ATP11C: variants seen among roughly 807,000 people sequenced by gnomAD.
ATP11C encodes ATPase phospholipid transporting 11C (ATP11C blood group), also known as phospholipid-transporting ATPase IG.
ATP11C carries 36 observed loss-of-function variants against 97.4 expected under a neutral mutation model. The observed-to-expected ratio is 0.37, with a 90% confidence interval of 0.28 to 0.49. The LOEUF is 0.49. Among genes scored for constraint, ATP11C ranks in the 20% least tolerant of loss-of-function variants. The probability of loss-of-function intolerance (pLI) is 0.98; values close to 1 mark genes in which losing one functional copy is unlikely to be tolerated. For missense variants in ATP11C, 730 were observed against 824.6 expected (o/e 0.89, Z 1.40); for synonymous variants, 275 against 290.9 (o/e 0.95, Z 0.56).
At chrX:139,890,262 G>A (rs1329775025) in intron 1 of ATP11C, among the ~76,000 whole-genome samples, 1 of 111,199 alleles carries the variant, frequency 9.0e-6, no homozygotes, top group East Asian at 2.8e-4. Flanking sequence ...TTTGTGTGGT[G>A]GTTCACACCT....
At position 139,826,761 on chromosome X, in the gene ATP11C, C is replaced by T. The variant is rs201506912; in HGVS notation, c.90G>A (p.Ser30=). Residue 30 remains serine (S), a synonymous_variant, in exon 2 of 30, where the codon TCG becomes TCA. Transcript: ENST00000682941. ...TTTGTGCAATGTAAGCTTCTGTTTC[C>T]GAAACTGGATGATTGCCAACAAACA... ...RTVFVGNHPV[S]ETEAYIAQRF... 2.7e-4 allele frequency: 325 copies of T among 1,205,446 alleles called. No individual in the cohort carries two copies. Among genetic ancestry groups the T allele is most frequent in the Non-Finnish European group, 2.5e-4 (220 of 891,859 alleles).
At chrX:139,730,595 T>G (rs936490963) in intron 29 of ATP11C, among the ~76,000 whole-genome samples, 1 of 110,878 alleles carries the variant, frequency 9.0e-6, no homozygotes, top group Non-Finnish European at 1.9e-5. Context: ...GGTGGCAGAG[T>G]TGACAGCTGT....
At chrX:139,778,975 A>G (rs957136175) in intron 18 of ATP11C, among the ~76,000 whole-genome samples, 39 of 112,083 alleles carry the variant, frequency 3.5e-4, no homozygotes, top group African/African-American at 1.2e-3. Flanking sequence ...TAAACCAACA[A>G]CAGTAAATAA....
intron 1 of ATP11C, among the ~76,000 whole-genome samples, chrX:139,876,025 T>G (rs982650880): frequency 9.0e-6 from 1 of 111,706 alleles, no homozygotes; most frequent in African/African-American, 3.3e-5. Flanking sequence ...AGAAAACACA[T>G]TACTTCATCT....
intron 28 of ATP11C, among the ~76,000 whole-genome samples, chrX:139,733,823 T>C (rs999215977): frequency 1.8e-5 from 2 of 111,731 alleles, no homozygotes; most frequent in South Asian, 3.7e-4. Context: ...GATAAAAGTA[T>C]TTCTATGAAG....
chrX:139,734,082 T>C (rs2081397584), intron 28 of ATP11C, among the ~76,000 whole-genome samples: 1 of 111,244 alleles, frequency 9.0e-6, no homozygotes, highest in African/African-American at 3.3e-5. Flanking sequence ...AAGAGGCCAA[T>C]GGATAAAGGC....
intron 20 of ATP11C, among the ~76,000 whole-genome samples, chrX:139,765,557 A>T (rs1348238512): frequency 3.6e-5 from 4 of 112,379 alleles, no homozygotes; most frequent in African/African-American, 1.3e-4. Context: ...TTTGATCTAA[A>T]TCATGAAATA....
intron 20 of ATP11C, among the ~76,000 whole-genome samples, chrX:139,768,031 G>A (rs1363528559): frequency 9.0e-6 from 1 of 111,522 alleles, no homozygotes; most frequent in African/African-American, 3.3e-5. Context: ...TCTGGAAGGT[G>A]AGGAACTGGG....
At chrX:139,796,825 T>A (rs868781726) in intron 11 of ATP11C, among the ~76,000 whole-genome samples, 3 of 111,945 alleles carry the variant, frequency 2.7e-5, no homozygotes, top group South Asian at 7.5e-4. Context: ...CATACTCCTA[T>A]TACATTAAAA....
Position 139,798,399 on chromosome X carries a change from A to T in ATP11C, c.776-45T>A, listed in dbSNP as rs1462589063. The T allele has an allele frequency of 5.0e-6, 5 of 995,019 alleles. No homozygotes were observed. The Admixed American group carries it at 1.0e-4, about 20-fold the overall frequency. The allele number at this position is 995,019 out of a possible 1,213,427, so 82.0% of individuals were successfully genotyped here. ...AATAAAAACTAAGAACTTGTCAACC[A>T]ACTCCTCACCCAGCTGGCTCTATGA... On this transcript the variant is annotated intron_variant, in intron 9 of 29. Coordinates refer to ENST00000682941, the MANE Select transcript of ATP11C (RefSeq NM_001353812.2).
chrX:139,914,277 C>T (rs1435933959), intron 1 of ATP11C, among the ~76,000 whole-genome samples: 7 of 112,174 alleles, frequency 6.2e-5, no homozygotes, highest in Non-Finnish European at 3.8e-5. Context: ...TAAATGGCCT[C>T]TAAGGTTCTT....
At chrX:139,908,524 G>C (rs918239232) in intron 1 of ATP11C, among the ~76,000 whole-genome samples, 4 of 112,231 alleles carry the variant, frequency 3.6e-5, no homozygotes, top group African/African-American at 9.7e-5. Flanking sequence ...CTAGCATATA[G>C]TGCCTAGCTG....
At chrX:139,935,152 A>C (rs1461271921), upstream of ATP11C, among the ~76,000 whole-genome samples, 2 of 112,819 alleles carry the variant, frequency 1.8e-5, no homozygotes, top group Non-Finnish European at 3.7e-5. Flanking sequence ...AGATTCAAAC[A>C]GATCAACTTT....
chrX:139,877,906 C>T (rs1223601983), intron 1 of ATP11C, among the ~76,000 whole-genome samples: 1 of 110,926 alleles, frequency 9.0e-6, no homozygotes, highest in African/African-American at 3.3e-5. Flanking sequence ...GCCTGTAATC[C>T]CAGCTACTTG....
chrX:139,902,715 G>T (rs917226806), intron 1 of ATP11C, among the ~76,000 whole-genome samples: 1 of 111,293 alleles, frequency 9.0e-6, no homozygotes, highest in African/African-American at 3.3e-5. Context: ...GGTAAAAATA[G>T]CTCACTAGTT....
chrX:139,742,893 AT>A (rs1569426320), intron 26 of ATP11C, among the ~76,000 whole-genome samples: 28 of 12,945 alleles, frequency 2.2e-3, no homozygotes, highest in East Asian at 5.3e-3. Context: ...ATATATATAT[AT>A]ATATATATAT....
intron 13 of ATP11C, 83 bp downstream of exon 13, chrX:139,789,244 C>A: frequency 1.3e-6 from 1 of 778,608 alleles, no homozygotes; most frequent in South Asian, 3.3e-5. Flanking sequence ...GTCATGTGTC[C>A]ACCTAAAAAT....
chrX:139,832,061 A>G (rs2083660555), intron 1 of ATP11C: 1 of 918,705 alleles, frequency 1.1e-6, no homozygotes, highest in African/African-American at 2.0e-5. Context: ...GGATAAAAAT[A>G]TACATGCAAA....
chrX:139,908,510 T>C (rs180750254), intron 1 of ATP11C, among the ~76,000 whole-genome samples: 187 of 112,522 alleles, frequency 1.7e-3, no homozygotes, highest in African/African-American at 5.8e-3. Flanking sequence ...TTGGTCCCCA[T>C]TGCCTAGCAT....
Sources: allele counts gnomAD v4.1 joint callset (sites outside exome capture counted in the v4.1 genomes callset), GRCh38; gene constraint gnomAD v4.1.1; transcripts MANE v1.5; gene names NCBI Gene and HGNC (gene_info 2026-07-23, HGNC 2026-07-21).